Variants in SOX5 observed in about 807,000 individuals in gnomAD.
The protein encoded by SOX5 is SRY-box transcription factor 5, also known as transcription factor SOX-5.
Under a neutral mutation model 92.0 loss-of-function variants are expected in SOX5, and 9 were observed. That is an observed-to-expected ratio of 0.10 (90% confidence interval 0.06 to 0.17). The LOEUF (loss-of-function observed/expected upper bound fraction) is 0.17, where lower values mean the gene tolerates loss of function less well. SOX5 is among the 10% of genes least tolerant of loss of function. The pLI is 1.00. For synonymous variants in SOX5, 344 were observed against 336.3 expected (o/e 1.02, Z -0.25); for missense variants, 642 against 944.5 (o/e 0.68, Z 4.20).
chr12:23,599,517 A>AT (rs1162230633), intron 9 of SOX5, among the ~76,000 whole-genome samples: 4 of 152,198 alleles, frequency 2.6e-5, no homozygotes, highest in Admixed American at 6.5e-5. Flanking sequence ...GCACCCAGGA[A>AT]TTCTCTCTTG....
intron 4 of SOX5, among the ~76,000 whole-genome samples, chr12:24,135,078 G>A (rs994993948): frequency 6.6e-6 from 1 of 152,046 alleles, no homozygotes; most frequent in African/African-American, 2.4e-5. Context: ...TTCTCCCAAG[G>A]CCATGCAGGA....
chr12:24,276,807 A>T (rs1944481213), intron 3 of SOX5, among the ~76,000 whole-genome samples: 1 of 152,160 alleles, frequency 6.6e-6, no homozygotes, highest in African/African-American at 2.4e-5. Flanking sequence ...TTAATAGCCT[A>T]TAGAAATTTT....
intron 4 of SOX5, among the ~76,000 whole-genome samples, chr12:24,011,671 T>TA (rs963474907): frequency 4.6e-5 from 7 of 152,264 alleles, no homozygotes; most frequent in Admixed American, 4.6e-4. Flanking sequence ...TGACTGGAGT[T>TA]AAAATCACCT....
intron 1 of SOX5, among the ~76,000 whole-genome samples, chr12:23,940,006 C>A (rs142275725): frequency 3.3e-5 from 5 of 151,164 alleles, no homozygotes; most frequent in Non-Finnish European, 7.4e-5. Context: ...CTGTCCATAG[C>A]CCCTGTGCTG....
intron 3 of SOX5, among the ~76,000 whole-genome samples, chr12:24,216,027 T>G (rs1959144440): frequency 6.6e-6 from 1 of 152,180 alleles, no homozygotes; most frequent in African/African-American, 2.4e-5. Context: ...CATATAAGTA[T>G]TAATATATTT....
chr12:24,112,722 G>C (rs11047269), intron 4 of SOX5, among the ~76,000 whole-genome samples: 2 of 151,170 alleles, frequency 1.3e-5, no homozygotes, highest in Non-Finnish European at 3.0e-5. Flanking sequence ...CTTTTTGAGA[G>C]AAGGGGTTTC....
At chr12:24,346,886 G>A (rs1021136033) in intron 2 of SOX5, among the ~76,000 whole-genome samples, 1 of 152,096 alleles carries the variant, frequency 6.6e-6, no homozygotes, top group East Asian at 1.9e-4. Flanking sequence ...CGTGGGGTGG[G>A]GGGATGGGGG....
intron 2 of SOX5, among the ~76,000 whole-genome samples, chr12:24,364,096 A>T (rs888567653): frequency 1.3e-5 from 2 of 152,142 alleles, no homozygotes; most frequent in Non-Finnish European, 2.9e-5. Context: ...TCAGTGACCG[A>T]AGCTTTCAAG....
chr12:23,927,655 T>A (rs1033828366), intron 1 of SOX5, among the ~76,000 whole-genome samples: 1 of 152,066 alleles, frequency 6.6e-6, no homozygotes, highest in Non-Finnish European at 1.5e-5. Flanking sequence ...AGTTATACCA[T>A]CTATAACATC....
chr12:24,106,927 A>T lies in SOX5; in HGVS notation c.-2+106416T>A, dbSNP rs1946762067. On this transcript the variant is annotated intron_variant, in intron 4 of 4. Transcript: ENST00000446891. ...TATAAATTTGATTAGCTGGTTTCCA[A>T]CATCAATGAAATCAATACAAAAATC... Among the ~76,000 whole-genome samples, 3 of 151,918 alleles carry T rather than the reference A, an allele frequency of 2.0e-5. No homozygotes were observed. The South Asian group carries it at 6.2e-4, about 32-fold the overall frequency.
At chr12:24,470,303 G>A (rs749366669) in intron 1 of SOX5, among the ~76,000 whole-genome samples, 6 of 152,108 alleles carry the variant, frequency 3.9e-5, no homozygotes, top group Non-Finnish European at 7.3e-5. Flanking sequence ...CATAAACAAA[G>A]GCCAGTTGGC....
At chr12:24,094,384 G>A (rs1945059240) in intron 4 of SOX5, among the ~76,000 whole-genome samples, 1 of 150,522 alleles carries the variant, frequency 6.6e-6, no homozygotes, top group Admixed American at 6.6e-5. Context: ...TCTTTTACCT[G>A]CTGCAAAATT....
At chr12:23,769,545 C>A (rs936211988) in intron 3 of SOX5, among the ~76,000 whole-genome samples, 4 of 152,144 alleles carry the variant, frequency 2.6e-5, no homozygotes, top group Admixed American at 6.5e-5. Flanking sequence ...TGGACACCTA[C>A]AATTTACTAA....
chr12:23,705,753 A>G (rs774196230), intron 6 of SOX5, among the ~76,000 whole-genome samples: 2 of 152,048 alleles, frequency 1.3e-5, no homozygotes, highest in Non-Finnish European at 2.9e-5. Flanking sequence ...AAGAAAAGAA[A>G]CCAATAAAAG....
intron 9 of SOX5, among the ~76,000 whole-genome samples, chr12:23,603,232 A>G (rs2074748019): frequency 6.6e-6 from 1 of 151,794 alleles, no homozygotes; most frequent in Non-Finnish European, 1.5e-5. Flanking sequence ...ACTCTGAAAG[A>G]CATCCTGACA....
chr12:24,275,180 C>T (rs564536528), intron 3 of SOX5, among the ~76,000 whole-genome samples: 1 of 152,236 alleles, frequency 6.6e-6, no homozygotes, highest in African/African-American at 2.4e-5. Flanking sequence ...TTATATTTCT[C>T]AAATTTTAAT....
At chr12:23,701,693 A>G (rs75206885) in intron 6 of SOX5, among the ~76,000 whole-genome samples, 5,635 of 152,068 alleles carry the variant, frequency 0.037, 327 homozygotes, top group African/African-American at 0.13. Context: ...TTCAGTGGTA[A>G]CATTTTTTGG....
intron 4 of SOX5, among the ~76,000 whole-genome samples, chr12:24,027,843 CAG>C (rs777168766): frequency 3.3e-5 from 5 of 151,936 alleles, no homozygotes; most frequent in Non-Finnish European, 7.4e-5. Flanking sequence ...ACCCCGCATT[CAG>C]AGTCATCTTT....
intron 3 of SOX5, among the ~76,000 whole-genome samples, chr12:23,776,117 A>G (rs1210143960): frequency 6.6e-6 from 1 of 152,258 alleles, no homozygotes; most frequent in Admixed American, 6.5e-5. Flanking sequence ...TGAAATTTAT[A>G]AGTTGAAAAT....
Sources: allele counts gnomAD v4.1 joint callset (sites outside exome capture counted in the v4.1 genomes callset), GRCh38; gene constraint gnomAD v4.1.1; transcripts MANE v1.5; gene names NCBI Gene and HGNC (gene_info 2026-07-23, HGNC 2026-07-21).